Variants in CNTN1 observed in about 807,000 individuals in gnomAD.
The protein encoded by CNTN1 is contactin-1.
CNTN1 carries 38 observed loss-of-function variants against 126.4 expected under a neutral mutation model. The ratio of observed to expected loss-of-function variants is 0.30; its 90% CI spans 0.23 to 0.39. CNTN1 has a LOEUF of 0.39. Ranked by LOEUF, CNTN1 falls within the 10% of genes least tolerant of loss-of-function variation. CNTN1 has a pLI of 1.00. For synonymous variants in CNTN1, 413 were observed against 422.6 expected, an observed-to-expected ratio of 0.98 and a Z score of 0.28; for missense variants, 1,009 against 1,248.4, an observed-to-expected ratio of 0.81 and a Z score of 2.89.
intron 23 of CNTN1, among the ~76,000 whole-genome samples, chr12:41,046,036 C>G (rs1323820311): frequency 6.6e-6 from 1 of 152,100 alleles, no homozygotes; most frequent in Non-Finnish European, 1.5e-5. Context: ...ACTAACTCCT[C>G]AAGTCCCTTA....
chr12:40,844,166 C>A (rs1310013357), intron 1 of CNTN1, among the ~76,000 whole-genome samples: 4 of 148,994 alleles, frequency 2.7e-5, no homozygotes, highest in Non-Finnish European at 5.9e-5. Flanking sequence ...CTCCAGGGTT[C>A]AAGCGATTCT....
intron 1 of CNTN1, among the ~76,000 whole-genome samples, chr12:40,861,687 C>T (rs1380007826): frequency 6.6e-6 from 1 of 151,932 alleles, no homozygotes; most frequent in African/African-American, 2.4e-5. Context: ...TTAAAAGAAC[C>T]CTCTTCAAAA....
intron 1 of CNTN1, among the ~76,000 whole-genome samples, chr12:40,726,915 C>T (rs1296910818): frequency 6.7e-6 from 1 of 148,450 alleles, no homozygotes; most frequent in East Asian, 1.9e-4. Context: ...AGAATTTAAA[C>T]ATTATAATAA....
At position 41,017,553 on chromosome 12, in the gene CNTN1, G is replaced by C. The variant is rs183440411; in HGVS notation, c.2419+637G>C. Among the ~76,000 whole-genome samples, 149 of 151,984 alleles carry C rather than the reference G, an allele frequency of 9.8e-4. 1 individual carries two copies. Among genetic ancestry groups the C allele is most frequent in the Non-Finnish European group, 1.9e-3 (132 of 67,970 alleles). The stretch of plus-strand genomic sequence containing the variant: ...AATCTAGACATAATTATATGAAAAA[G>C]AGGTCAGTTGAAATTGTTTTCTTGA... On this transcript the variant is annotated intron_variant, in intron 19 of 23. Transcript: ENST00000551295.
chr12:40,970,019 G>T (rs769005816), intron 15 of CNTN1, among the ~76,000 whole-genome samples: 10 of 151,858 alleles, frequency 6.6e-5, no homozygotes, highest in Non-Finnish European at 1.5e-4. Context: ...GCTTGACCCC[G>T]CCCCTCCTTC....
chr12:40,882,856 A>G (rs1023331248), intron 1 of CNTN1, among the ~76,000 whole-genome samples: 1 of 151,506 alleles, frequency 6.6e-6, no homozygotes, highest in Non-Finnish European at 1.5e-5. Flanking sequence ...TTTTTTTCTT[A>G]CTTGCTTTGC....
chr12:41,064,786 T>TAGAC lies in CNTN1; in HGVS notation c.2981-5170_2981-5169insCAGA, dbSNP rs528165292. Among the ~76,000 whole-genome samples the TAGAC allele has an allele frequency of 3.1e-3, 468 of 152,060 alleles. 2 individuals are homozygous for TAGAC. Among genetic ancestry groups the TAGAC allele is most frequent in the African/African-American group, 0.011 (457 of 41,474 alleles). ...CTACCTCTCTAGATAGATAGATAGA[T>TAGAC]AGATAGATAGATAGATGCCATGAGA... is the stretch of plus-strand genomic sequence containing the variant. On this transcript the variant is annotated intron_variant, in intron 23 of 23. Coordinates refer to ENST00000551295, the MANE Select transcript of CNTN1 (RefSeq NM_001843.4).
chr12:40,938,808 G>A (rs578115447), intron 11 of CNTN1, among the ~76,000 whole-genome samples: 175 of 152,160 alleles, frequency 1.2e-3, no homozygotes, highest in Non-Finnish European at 2.1e-3. Flanking sequence ...AGGGTCTCAC[G>A]GTGTTGCCCA....
intron 15 of CNTN1, chr12:40,972,737 T>G (rs1319864195): frequency 2.5e-6 from 2 of 811,028 alleles, no homozygotes; most frequent in East Asian, 1.3e-4. Context: ...TTGTAAGATG[T>G]TTAAAATCAA....
chr12:40,990,661 C>G lies in CNTN1; in HGVS notation c.1964-2459C>G, dbSNP rs548438040. On this transcript the variant is annotated intron_variant, in intron 16 of 23. Coordinates refer to ENST00000551295, the MANE Select transcript of CNTN1 (RefSeq NM_001843.4). ...GATATTTTCATACTGGATCCTCACA[C>G]TTTTTATATGCACTCAAAATCAGTC... 9.2e-5 allele frequency among the ~76,000 whole-genome samples: 14 copies of G among 152,308 alleles called. No individual in the cohort carries two copies. In the East Asian group the frequency reaches 2.5e-3, roughly 27 times the overall value.
At chr12:40,779,270 C>T (rs1333173445) in intron 1 of CNTN1, among the ~76,000 whole-genome samples, 2 of 151,662 alleles carry the variant, frequency 1.3e-5, no homozygotes, top group Non-Finnish European at 3.0e-5. Flanking sequence ...TCTCAAATTT[C>T]CCCGTCTGTT....
intron 1 of CNTN1, among the ~76,000 whole-genome samples, chr12:40,750,387 C>T (rs1275494248): frequency 1.3e-5 from 2 of 151,946 alleles, no homozygotes; most frequent in East Asian, 1.9e-4. Flanking sequence ...TAGGGAAGCT[C>T]ATGTATTTTA....
chr12:40,864,510 C>T (rs186944850), intron 1 of CNTN1, among the ~76,000 whole-genome samples: 16 of 152,222 alleles, frequency 1.1e-4, no homozygotes, highest in African/African-American at 3.9e-4. Context: ...CCTCTTACCC[C>T]TGAGCAATCA....
intron 1 of CNTN1, among the ~76,000 whole-genome samples, chr12:40,852,569 G>A (rs574211906): frequency 2.0e-5 from 3 of 151,442 alleles, no homozygotes; most frequent in South Asian, 2.1e-4. Context: ...ATTCTAAATG[G>A]CACATTTTTC....
At chr12:40,855,547 A>G (rs1009615715) in intron 1 of CNTN1, among the ~76,000 whole-genome samples, 2 of 152,106 alleles carry the variant, frequency 1.3e-5, no homozygotes. Flanking sequence ...TTTTAGTTAT[A>G]AAATGGTTAT....
intron 1 of CNTN1, among the ~76,000 whole-genome samples, chr12:40,877,988 CTTTTTTTTTTTTTT>C (rs199626249): frequency 6.9e-4 from 75 of 109,346 alleles, no homozygotes; most frequent in Middle Eastern, 5.9e-3. Flanking sequence ...CAGTTTTTTC[CTTTTTTTTTTTTTT>C]TTTTTTTTTT....
At chr12:40,784,947 G>A (rs1197363125) in intron 1 of CNTN1, among the ~76,000 whole-genome samples, 1 of 152,034 alleles carries the variant, frequency 6.6e-6, no homozygotes, top group Non-Finnish European at 1.5e-5. Flanking sequence ...GTCATGGGGT[G>A]GATGCAAAAG....
At chr12:40,896,574 T>A (rs951830021) in intron 1 of CNTN1, among the ~76,000 whole-genome samples, 3 of 152,178 alleles carry the variant, frequency 2.0e-5, no homozygotes, top group African/African-American at 7.2e-5. Context: ...TAGGACAGTT[T>A]TATAGTTGGT....
chr12:40,799,787 CG>C (rs981951781), intron 1 of CNTN1, among the ~76,000 whole-genome samples: 1 of 151,910 alleles, frequency 6.6e-6, no homozygotes, highest in African/African-American at 2.4e-5. Flanking sequence ...ATGCTTGGTA[CG>C]TTTTTTTCAT....
Sources: allele counts gnomAD v4.1 joint callset (sites outside exome capture counted in the v4.1 genomes callset), GRCh38; gene constraint gnomAD v4.1.1; transcripts MANE v1.5; gene names NCBI Gene and HGNC (gene_info 2026-07-23, HGNC 2026-07-21).